Variants in ZBTB25 observed in about 807,000 individuals in gnomAD.
ZBTB25 encodes zinc finger and BTB domain containing 25.
In ZBTB25, 20 loss-of-function variants were observed where a neutral mutation model predicts 34.2. The observed-to-expected ratio is 0.58, with a 90% confidence interval of 0.41 to 0.85. The LOEUF (loss-of-function observed/expected upper bound fraction) is 0.85, where lower values mean the gene tolerates loss of function less well. Ranked by LOEUF, ZBTB25 falls within the 40% of genes least tolerant of loss-of-function variation. The pLI, the probability that ZBTB25 is intolerant of heterozygous loss-of-function variation, is 0.00. For synonymous variants in ZBTB25, 175 were observed against 186.4 expected (o/e 0.94, Z 0.50); for missense variants, 437 against 521.8 (o/e 0.84, Z 1.58).
At chr14:64,454,708 C>T (rs545499412) in intron 2 of ZBTB25, 1 of 1,610,018 alleles carries the variant, frequency 6.2e-7, no homozygotes, top group Non-Finnish European at 8.5e-7. Flanking sequence ...TCCCTCTCTT[C>T]CCTTCTTTCC....
intron 2 of ZBTB25, chr14:64,460,089 G>C: frequency 1.5e-6 from 1 of 645,770 alleles, no homozygotes; most frequent in East Asian, 2.7e-5. Context: ...TTGTCAGGCA[G>C]ACCCTTGGGC....
intron 1 of ZBTB25, among the ~76,000 whole-genome samples, chr14:64,500,034 T>C (rs1191829155): frequency 6.6e-6 from 1 of 151,934 alleles, no homozygotes; most frequent in Non-Finnish European, 1.5e-5. Flanking sequence ...ACAAGAATAC[T>C]AACAACAGTA....
Position 64,503,423 on chromosome 14 carries a change from C to A in ZBTB25, c.-8+238G>T, listed in dbSNP as rs1405976274. 3.0e-6 allele frequency: 3 copies of A among 985,358 alleles called. No homozygotes were observed. In the African/African-American group the frequency reaches 5.2e-5, roughly 17 times the overall value. The allele number at this position is 985,358 out of a possible 1,614,324, so 61.0% of individuals were successfully genotyped here. On this transcript the variant is annotated intron_variant, in intron 1 of 2. Coordinates refer to ENST00000608382, the MANE Select transcript of ZBTB25 (RefSeq NM_006977.5). ...TGTGCCACCCTGAATCAGGCCCCGG[C>A]AGCCGCTCCTACGAGCAGCAAAGGG...
At position 64,487,756 on chromosome 14, in the gene ZBTB25, C is replaced by T. The variant is rs777605410; in HGVS notation, c.475G>A (p.Ala159Thr). ...TGGGGGTGGTCACCCTGGACAGCAG[C>T]TCTGTTTCCACTGTTACTGGAAGGA... ...EAPSSNSGNRAAVQGDHPQLQ... is the reference protein window; with the variant it reads ...EAPSSNSGNRTAVQGDHPQLQ... The change falls in exon 3 of 3, where the codon GCT becomes ACT. Residue 159 changes from alanine (A) to threonine (T), a missense_variant. Transcript: ENST00000608382. The T allele has an allele frequency of 9.3e-6, 15 of 1,614,186 alleles. No individual in the cohort carries two copies. Among genetic ancestry groups the T allele is most frequent in the Non-Finnish European group, 1.2e-5 (14 of 1,180,036 alleles).
intron 1 of ZBTB25, chr14:64,502,751 G>A (rs994239005): frequency 1.0e-6 from 1 of 981,116 alleles, no homozygotes; most frequent in Non-Finnish European, 1.2e-6. Flanking sequence ...GAGCCTTGGA[G>A]TCTTAGCTAT....
rs748729905 is a variant in ZBTB25, at chr14:64,469,681, TA to T, written c.174-20044del. 40 of 1,553,832 alleles carry T rather than the reference TA, an allele frequency of 2.6e-5. No homozygotes were observed. The South Asian group carries it at 4.6e-4, about 18-fold the overall frequency. Reference sequence around the variant, plus strand: ...AAATAAACAATCTTCTACAGTGACTTACTCTCCAGAGTCACGGCAGAAAAAA... The same window carrying T: ...AAATAAACAATCTTCTACAGTGACTTCTCTCCAGAGTCACGGCAGAAAAAA... On this transcript the variant is annotated intron_variant, in intron 2 of 2. Transcript: ENST00000555220.
chr14:64,470,171 GT>G (rs2078653382), intron 2 of ZBTB25: 1 of 167,272 alleles, frequency 6.0e-6, no homozygotes, highest in Non-Finnish European at 1.5e-5. Context: ...ATTTGTAATT[GT>G]TACATTCCTA....
In ZBTB25 at chr14:64,483,833, G is replaced by C. The variant is rs2078826854; in HGVS notation, c.*3090C>G. 6.7e-6 allele frequency: 1 copy of C among 150,290 alleles called. No individual in the cohort carries two copies. The highest frequency in any genetic ancestry group is 1.5e-5 in the Non-Finnish European group (1 of 67,814). The allele number at this position is 150,290 out of a possible 1,614,324, so 9.3% of individuals were successfully genotyped here. On this transcript the variant is annotated 3_prime_UTR_variant, in exon 3 of 3. Transcript: ENST00000608382. ...AAATTAGCTGGGCATGGTGGCACATGCTCAGGAGGCTGAGGCAGGAGAATC... is the reference window on the plus strand; with the variant it reads ...AAATTAGCTGGGCATGGTGGCACATCCTCAGGAGGCTGAGGCAGGAGAATC...
intron 2 of ZBTB25, chr14:64,469,134 C>G (rs2078641156): frequency 3.1e-6 from 5 of 1,614,150 alleles, no homozygotes; most frequent in Non-Finnish European, 4.2e-6. Flanking sequence ...CCCCAGCAAG[C>G]AAGCCCACTT....
chr14:64,487,328 A>G lies in ZBTB25; in HGVS notation c.903T>C (p.Ile301=). The G allele has an allele frequency of 6.2e-7, 1 of 1,613,934 alleles. No homozygotes were observed. The highest frequency in any genetic ancestry group is 2.2e-5 in the East Asian group (1 of 44,880). Residue 301 remains isoleucine (I), a synonymous_variant, in exon 3 of 3, where the codon ATT becomes ATC. Transcript: ENST00000608382. ...ALECRRLSSF[I]VKENEQQPDH... is the part of the protein sequence containing the mutation. ...CTGGCTGCTGTTCATTCTCCTTAAC[A>G]ATGAAGGAGCTGAGCCTGCGGCATT...
At chr14:64,489,943 C>T (rs1201372088) in intron 2 of ZBTB25, among the ~76,000 whole-genome samples, 1 of 151,356 alleles carries the variant, frequency 6.6e-6, no homozygotes, top group Non-Finnish European at 1.5e-5. Context: ...CATGGTGGCT[C>T]ATGCCTGTAA....
Position 64,454,897 on chromosome 14 carries a change from G to T in ZBTB25, c.174-5259C>A, listed in dbSNP as rs149013241. ...AACGGTAAGTGCATGCTGCAAGGGA[G>T]TAGTGGGCGCATCTGCACTTCTCGT... On this transcript the variant is annotated intron_variant, in intron 2 of 2. Coordinates refer to the ZBTB25 transcript ENST00000555220. 641 of 1,613,382 alleles carry T rather than the reference G, an allele frequency of 4.0e-4. 2 individuals are homozygous for T. The African/African-American group carries it at 7.8e-3, about 20-fold the overall frequency.
intron 2 of ZBTB25, chr14:64,454,012 G>A (rs1013679772): frequency 1.4e-6 from 1 of 690,426 alleles, no homozygotes; most frequent in Admixed American, 2.1e-5. Context: ...TTTGGATTAG[G>A]TGGCACAGTC....
Position 64,485,108 on chromosome 14 carries a change from A to G in ZBTB25, c.*1815T>C. The G allele has an allele frequency of 1.0e-6, 1 of 985,436 alleles. No individual in the cohort carries two copies. The highest frequency in any genetic ancestry group is 4.7e-5 in the South Asian group (1 of 21,286). 61.0% of individuals were successfully genotyped at this position (985,436 alleles called of 1,614,324 possible). ...AATATCCAGTAGCTTTCTTCATTCA[A>G]TCCTCAAGAAAAACTTACCACTTTG... On this transcript the variant is annotated 3_prime_UTR_variant, in exon 3 of 3. Coordinates refer to ENST00000608382, the MANE Select transcript of ZBTB25 (RefSeq NM_006977.5).
chr14:64,469,627 G>C (rs1003500134), intron 2 of ZBTB25: 21 of 1,606,650 alleles, frequency 1.3e-5, no homozygotes, highest in Non-Finnish European at 1.6e-5. Flanking sequence ...TAGAACAGCT[G>C]GTTAATGAAA....
intron 1 of ZBTB25, among the ~76,000 whole-genome samples, chr14:64,501,769 C>A (rs940025408): frequency 6.6e-6 from 1 of 152,204 alleles, no homozygotes; most frequent in African/African-American, 2.4e-5. Context: ...ACGGCCAAGG[C>A]ACCTCCTCCC....
rs186961580 is a variant in ZBTB25 at position 64,459,130 on chromosome 14, C to T, written c.174-9492G>A. Reference sequence around the variant, plus strand: ...CTTTCAACATGTGCTCACACCTAGCCGAATCTATCTGGATATTTTCAGACG... The same window carrying T: ...CTTTCAACATGTGCTCACACCTAGCTGAATCTATCTGGATATTTTCAGACG... On this transcript the variant is annotated intron_variant, in intron 2 of 2. Transcript: ENST00000555220. Among the ~76,000 whole-genome samples the T allele has an allele frequency of 6.6e-4, 101 of 152,280 alleles. 2 individuals are homozygous for T. The highest frequency in any genetic ancestry group is 3.9e-4 in the East Asian group (2 of 5,188).
chr14:64,479,632 A>G lies in ZBTB25; in HGVS notation c.*7291T>C, dbSNP rs75470721. The G allele has an allele frequency of 0.013, 2,047 of 152,322 alleles. 41 individuals are homozygous for G. Among genetic ancestry groups the G allele is most frequent in the African/African-American group, 0.046 (1,908 of 41,572 alleles). 9.4% of individuals were successfully genotyped at this position (152,322 alleles called of 1,614,324 possible). On this transcript the variant is annotated 3_prime_UTR_variant, in exon 3 of 3. Coordinates refer to ENST00000608382, the MANE Select transcript of ZBTB25 (RefSeq NM_006977.5). ...GAAGGCCAGAATATAATAAAAAAAG[A>G]GACTTTCTCTGGCCTGACTGCTTGA... is the stretch of plus-strand genomic sequence containing the variant.
chr14:64,467,849 G>A (rs1241073599), intron 2 of ZBTB25: 1 of 152,060 alleles, frequency 6.6e-6, no homozygotes, highest in Non-Finnish European at 1.5e-5. Context: ...GCACTTTAGA[G>A]TCATAAGCAA....
Sources: allele counts gnomAD v4.1 joint callset (sites outside exome capture counted in the v4.1 genomes callset), GRCh38; gene constraint gnomAD v4.1.1; transcripts MANE v1.5; gene names NCBI Gene and HGNC (gene_info 2026-07-23, HGNC 2026-07-21).